The following RSRC1 variants were observed in gnomAD, a reference collection of about 807,000 sequenced individuals.
RSRC1 encodes the protein serine/Arginine-related protein 53.
Under a neutral mutation model 49.1 loss-of-function variants are expected in RSRC1, and 39 were observed. The ratio of observed to expected loss-of-function variants is 0.79; its 90% CI spans 0.61 to 1.04. The LOEUF is 1.04. Among genes scored for constraint, RSRC1 ranks in the 50% least tolerant of loss-of-function variants. RSRC1 has a pLI of 0.00. For synonymous variants in RSRC1, 143 were observed against 130.8 expected (o/e 1.09, Z -0.63); for missense variants, 388 against 402.4 (o/e 0.96, Z 0.31).
At chr3:158,380,510 T>A (rs973350679) in intron 6 of RSRC1, among the ~76,000 whole-genome samples, 1 of 152,244 alleles carries the variant, frequency 6.6e-6, no homozygotes, top group African/African-American at 2.4e-5. Context: ...TAATGTTTTA[T>A]GTTTGTATAA....
intron 6 of RSRC1, among the ~76,000 whole-genome samples, chr3:158,448,133 T>A (rs995624466): frequency 6.6e-6 from 1 of 151,986 alleles, no homozygotes; most frequent in African/African-American, 2.4e-5. Context: ...CAAACCGACT[T>A]CAAATTGACA....
intron 3 of RSRC1, among the ~76,000 whole-genome samples, chr3:158,127,756 GTTTTTTTTTTT>G (rs34766107): frequency 1.2e-5 from 1 of 81,240 alleles, no homozygotes; most frequent in African/African-American, 5.1e-5. Context: ...CTGCTTTGTG[GTTTTTTTTTTT>G]TTTTTTTTTG....
chr3:158,330,446 AG>A lies in RSRC1; in HGVS notation c.532-24408del, dbSNP rs1241539999. ...TCTTAAAATGAAAATCCTATGTCAA[AG>A]GGTATGAGTATTTTAAATGTTCTTA... On this transcript the variant is annotated intron_variant, in intron 5 of 9. Transcript: ENST00000611884. 3.3e-5 allele frequency among the ~76,000 whole-genome samples: 5 copies of A among 152,346 alleles called. No homozygotes were observed. In the East Asian group the frequency reaches 9.6e-4, roughly 29 times the overall value.
rs759654152 is a variant in RSRC1, at chr3:158,449,955, C to T, written c.584-10980C>T. On this transcript the variant is annotated intron_variant, in intron 6 of 9. Coordinates refer to ENST00000611884, the MANE Select transcript of RSRC1 (RefSeq NM_001271838.2). The stretch of plus-strand genomic sequence containing the variant: ...ACTGGTTCATTGCAACTATAATTGA[C>T]GTGTCCTCCTGGCTAAGTTTTCCTA... Among the ~76,000 whole-genome samples the T allele has an allele frequency of 1.5e-4, 23 of 151,932 alleles. 1 individual carries two copies. The highest frequency in any genetic ancestry group is 2.8e-4 in the Non-Finnish European group (19 of 67,882).
intron 6 of RSRC1, among the ~76,000 whole-genome samples, chr3:158,424,897 T>C (rs1578460920): frequency 6.6e-6 from 1 of 152,058 alleles, no homozygotes; most frequent in African/African-American, 2.4e-5. Flanking sequence ...CTGATGGTAG[T>C]TTGTATTTCT....
chr3:158,192,431 A>G (rs370053972), intron 3 of RSRC1, among the ~76,000 whole-genome samples: 7 of 152,172 alleles, frequency 4.6e-5, no homozygotes, highest in African/African-American at 1.7e-4. Context: ...TCTATAGTAG[A>G]GTCCTTGTGT....
rs891004494 is a variant in RSRC1 at position 158,230,361 on chromosome 3, T to A, written c.494+27116T>A. Among the ~76,000 whole-genome samples the A allele has an allele frequency of 1.5e-4, 23 of 152,172 alleles. 1 individual carries two copies. The highest frequency in any genetic ancestry group is 5.5e-4 in the African/African-American group (23 of 41,456). ...TCATTTCATGAAGGTCCAATTAAAATCTGATTTGGCAGTCTAAGCAAAGAT... is the reference window on the plus strand; with the variant it reads ...TCATTTCATGAAGGTCCAATTAAAAACTGATTTGGCAGTCTAAGCAAAGAT... On this transcript the variant is annotated intron_variant, in intron 4 of 9. Transcript: ENST00000611884.
At position 158,134,702 on chromosome 3, in the gene RSRC1, A is replaced by G. The variant is rs781511609; in HGVS notation, c.320+10711A>G. On this transcript the variant is annotated intron_variant, in intron 3 of 9. Transcript: ENST00000611884. ...CTGACTTTTGTCCTTGGCAATGTGT[A>G]ACTAGGAAGAACTTTCTTTTGCTTT... 1.4e-4 allele frequency among the ~76,000 whole-genome samples: 22 copies of G among 152,308 alleles called. No homozygotes were observed. The South Asian group carries it at 4.4e-3, about 30-fold the overall frequency.
intron 3 of RSRC1, among the ~76,000 whole-genome samples, chr3:158,129,048 T>A (rs1715816885): frequency 6.6e-6 from 1 of 152,172 alleles, no homozygotes; most frequent in Admixed American, 6.5e-5. Flanking sequence ...CCTGTGAAGT[T>A]ACTATCTTTC....
At chr3:158,491,233 A>G (rs1739071584) in intron 7 of RSRC1, among the ~76,000 whole-genome samples, 1 of 152,240 alleles carries the variant, frequency 6.6e-6, no homozygotes. Flanking sequence ...TTAAAGCAGT[A>G]CATTCACTGA....
intron 3 of RSRC1, among the ~76,000 whole-genome samples, chr3:158,130,734 A>G (rs996416353): frequency 6.6e-6 from 1 of 152,190 alleles, no homozygotes; most frequent in African/African-American, 2.4e-5. Context: ...AGAAAGTTTC[A>G]GAGTTTGGAG....
At chr3:158,161,451 C>A (rs1718212576) in intron 3 of RSRC1, among the ~76,000 whole-genome samples, 1 of 152,102 alleles carries the variant, frequency 6.6e-6, no homozygotes, top group South Asian at 2.1e-4. Flanking sequence ...AAGTCAAGGG[C>A]AAGGAAGAAT....
At chr3:158,221,917 A>G (rs1202777615) in intron 4 of RSRC1, among the ~76,000 whole-genome samples, 3 of 151,622 alleles carry the variant, frequency 2.0e-5, no homozygotes, top group Admixed American at 6.6e-5. Context: ...TGATTTATCT[A>G]TACTTCCAAC....
chr3:158,495,119 A>G (rs995077842), intron 7 of RSRC1, among the ~76,000 whole-genome samples: 3 of 152,188 alleles, frequency 2.0e-5, no homozygotes, highest in African/African-American at 7.2e-5. Context: ...ATCACTGGGC[A>G]ATAGGAATTT....
At chr3:158,179,514 T>C (rs1052982505) in intron 3 of RSRC1, among the ~76,000 whole-genome samples, 39 of 152,338 alleles carry the variant, frequency 2.6e-4, no homozygotes, top group African/African-American at 8.2e-4. Flanking sequence ...ACCTTTGAGA[T>C]TGGCTTTTTT....
intron 7 of RSRC1, among the ~76,000 whole-genome samples, chr3:158,514,895 C>G (rs969273838): frequency 6.6e-6 from 1 of 151,960 alleles, no homozygotes; most frequent in African/African-American, 2.4e-5. Context: ...CTCTTTTGAT[C>G]TTTGTTGGTT....
chr3:158,481,320 T>G (rs1738607194), intron 7 of RSRC1, among the ~76,000 whole-genome samples: 1 of 152,150 alleles, frequency 6.6e-6, no homozygotes, highest in Non-Finnish European at 1.5e-5. Flanking sequence ...TACCCTGTAC[T>G]GTTCTGTTCG....
At chr3:158,505,177 T>A (rs1409030440) in intron 7 of RSRC1, among the ~76,000 whole-genome samples, 1 of 152,222 alleles carries the variant, frequency 6.6e-6, no homozygotes, top group African/African-American at 2.4e-5. Flanking sequence ...ACTGCCAGTT[T>A]TTTTATAGTG....
At chr3:158,449,688 A>G (rs1236266701) in intron 6 of RSRC1, among the ~76,000 whole-genome samples, 2 of 152,044 alleles carry the variant, frequency 1.3e-5, no homozygotes, top group Non-Finnish European at 2.9e-5. Flanking sequence ...AGTTTGTTAC[A>G]TATGTATACA....
Sources: gnomAD v4.1 joint callset for allele counts (sites outside exome capture counted in the v4.1 genomes callset) on GRCh38, gnomAD v4.1.1 for gene constraint, MANE v1.5 for transcripts, NCBI Gene and HGNC (gene_info 2026-07-23, HGNC 2026-07-21) for gene names.